Variants in SGCD observed in about 807,000 individuals in gnomAD.
SGCD encodes delta-sarcoglycan.
Under a neutral mutation model 36.6 loss-of-function variants are expected in SGCD, and 18 were observed. The ratio of observed to expected loss-of-function variants is 0.49; its 90% CI spans 0.34 to 0.73. The LOEUF (loss-of-function observed/expected upper bound fraction) is 0.73. Ranked by LOEUF, SGCD falls within the 30% of genes least tolerant of loss-of-function variation. SGCD has a pLI of 0.01. For missense variants in SGCD, 387 were observed against 346.7 expected (o/e 1.12, Z -0.92); for synonymous variants, 133 against 130.6 (o/e 1.02, Z -0.12).
intron 1 of SGCD, among the ~76,000 whole-genome samples, chr5:156,091,843 T>A (rs1463023192): frequency 6.6e-6 from 1 of 152,192 alleles, no homozygotes; most frequent in Non-Finnish European, 1.5e-5. Flanking sequence ...CAGGCTAAAT[T>A]TTTATGCTTC....
intron 3 of SGCD, among the ~76,000 whole-genome samples, chr5:156,200,680 C>T (rs182504471): frequency 2.0e-5 from 3 of 152,232 alleles, no homozygotes; most frequent in Admixed American, 6.5e-5. Context: ...AGTATGGAGG[C>T]TCCTCAAAAA....
intron 6 of SGCD, among the ~76,000 whole-genome samples, chr5:156,599,621 T>G (rs1761084814): frequency 6.6e-6 from 1 of 152,156 alleles, no homozygotes; most frequent in African/African-American, 2.4e-5. Context: ...TTGAGCACAT[T>G]CAAGGGATCT....
At chr5:156,031,672 A>T (rs1443961419) in intron 1 of SGCD, among the ~76,000 whole-genome samples, 1 of 152,240 alleles carries the variant, frequency 6.6e-6, no homozygotes, top group African/African-American at 2.4e-5. Context: ...GCTAAGATTT[A>T]TCAAGTGTAT....
intron 6 of SGCD, among the ~76,000 whole-genome samples, chr5:156,606,428 A>G (rs1276259607): frequency 6.6e-6 from 1 of 152,210 alleles, no homozygotes; most frequent in East Asian, 1.9e-4. Flanking sequence ...TACCAGTACC[A>G]TGCTGTTTTG....
the SGCD span, among the ~76,000 whole-genome samples, chr5:155,796,829 A>AAAAAAAAAAAAAAAAAAAAAAAAAG: frequency 6.7e-6 from 1 of 148,708 alleles, no homozygotes. Context: ...AAAAAAAAAA[A>AAAAAAAAAAAAAAAAAAAAAAAAAG]AAATCAATGA....
chr5:156,353,656 C>T (rs1769362333), intron 3 of SGCD, among the ~76,000 whole-genome samples: 1 of 152,176 alleles, frequency 6.6e-6, no homozygotes, highest in Non-Finnish European at 1.5e-5. Flanking sequence ...GAAGTGCTTC[C>T]TCTACTGAGA....
chr5:155,927,046 G>A (rs1168538716), intron 1 of SGCD, among the ~76,000 whole-genome samples: 3 of 152,096 alleles, frequency 2.0e-5, no homozygotes, highest in African/African-American at 7.2e-5. Context: ...ACAACAAAGA[G>A]TTATCCAGTC....
chr5:156,095,682 A>C (rs913580415), intron 1 of SGCD, among the ~76,000 whole-genome samples: 1 of 152,152 alleles, frequency 6.6e-6, no homozygotes, highest in Non-Finnish European at 1.5e-5. Flanking sequence ...AGGAAGAAAG[A>C]AAGAAGAAAG....
rs572405350 is a variant in SGCD at position 155,947,870 on chromosome 5, G to T, written c.-282+77446G>T. Among the ~76,000 whole-genome samples, 3 of 152,070 alleles carry T rather than the reference G, an allele frequency of 2.0e-5. No individual in the cohort carries two copies. In the East Asian group the frequency reaches 5.8e-4, roughly 29 times the overall value. Reference sequence around the variant, plus strand: ...GAGTTCAGAGTTTACAAGCTTATAAGCTCTATGAACTTGCGTAAGACACAA... The same window carrying T: ...GAGTTCAGAGTTTACAAGCTTATAATCTCTATGAACTTGCGTAAGACACAA... On this transcript the variant is annotated intron_variant, in intron 1 of 9. Coordinates refer to the SGCD transcript ENST00000517913.
chr5:156,390,831 C>G (rs1259302342), intron 3 of SGCD, among the ~76,000 whole-genome samples: 1 of 152,102 alleles, frequency 6.6e-6, no homozygotes, highest in Non-Finnish European at 1.5e-5. Flanking sequence ...CTGTATGATG[C>G]ATTTGTGCTT....
At chr5:156,216,731 T>C (rs375240122) in intron 3 of SGCD, among the ~76,000 whole-genome samples, 31 of 152,292 alleles carry the variant, frequency 2.0e-4, no homozygotes, top group Middle Eastern at 6.8e-3. Flanking sequence ...TGAGAAAATA[T>C]AGGAAGAAAA....
At chr5:156,726,127 C>T (rs1302494823) in intron 7 of SGCD, among the ~76,000 whole-genome samples, 3 of 152,100 alleles carry the variant, frequency 2.0e-5, no homozygotes, top group Non-Finnish European at 4.4e-5. Context: ...TGAAGATGGC[C>T]GTACTGAAAC....
At chr5:156,095,519 C>A (rs563666596) in intron 1 of SGCD, among the ~76,000 whole-genome samples, 9 of 152,272 alleles carry the variant, frequency 5.9e-5, no homozygotes, top group African/African-American at 2.2e-4. Context: ...TGACAACCTG[C>A]AGAAGTGTTC....
intron 3 of SGCD, among the ~76,000 whole-genome samples, chr5:156,454,927 G>T (rs1261254384): frequency 3.9e-5 from 6 of 152,040 alleles, no homozygotes; most frequent in African/African-American, 1.4e-4. Context: ...TACCTGCAAT[G>T]CTGATACACT....
intron 3 of SGCD, among the ~76,000 whole-genome samples, chr5:156,469,544 G>A (rs2127825964): frequency 6.6e-6 from 1 of 152,290 alleles, no homozygotes; most frequent in East Asian, 1.9e-4. Flanking sequence ...ATCAATTGAA[G>A]TGAAACAACT....
chr5:156,574,558 T>C (rs146694567), intron 4 of SGCD, among the ~76,000 whole-genome samples: 192 of 152,284 alleles, frequency 1.3e-3, no homozygotes, highest in African/African-American at 4.2e-3. Context: ...AAAGCCCTAA[T>C]TAACCACAAC....
At chr5:156,333,732 AT>A (rs1345339672) in intron 2 of SGCD, among the ~76,000 whole-genome samples, 1 of 144,518 alleles carries the variant, frequency 6.9e-6, no homozygotes, top group East Asian at 2.1e-4. Context: ...ACATAGTACC[AT>A]TATACAAGTG....
At chr5:156,338,971 C>T (rs571779880) in intron 2 of SGCD, among the ~76,000 whole-genome samples, 1 of 152,102 alleles carries the variant, frequency 6.6e-6, no homozygotes, top group East Asian at 1.9e-4. Context: ...TAATGCTATG[C>T]AATCCCAGTT....
chr5:156,074,652 C>A (rs1426373472), intron 1 of SGCD, among the ~76,000 whole-genome samples: 1 of 151,970 alleles, frequency 6.6e-6, no homozygotes, highest in African/African-American at 2.4e-5. Context: ...TGCACTCAAG[C>A]CCGGGCAAGA....
Sources: allele counts gnomAD v4.1 joint callset (sites outside exome capture counted in the v4.1 genomes callset), GRCh38; gene constraint gnomAD v4.1.1; transcripts MANE v1.5; gene names NCBI Gene and HGNC (gene_info 2026-07-23, HGNC 2026-07-21).